The following MTMR3 variants were observed in gnomAD, a reference collection of about 807,000 sequenced individuals.
MTMR3 encodes the protein myotubularin related protein 3.
MTMR3 carries 32 observed loss-of-function variants against 132.4 expected under a neutral mutation model. That is an observed-to-expected ratio of 0.24 (90% CI 0.18 to 0.32). MTMR3 has a LOEUF of 0.32. Ranked by LOEUF, MTMR3 falls within the 10% of genes least tolerant of loss-of-function variation. MTMR3 has a pLI of 1.00. For synonymous variants in MTMR3, 556 were observed against 550.3 expected (o/e 1.01, Z -0.14); for missense variants, 1,216 against 1,489.6 (o/e 0.82, Z 3.02).
intron 1 of MTMR3, among the ~76,000 whole-genome samples, chr22:29,954,736 A>G (rs907220504): frequency 6.6e-6 from 1 of 152,208 alleles, no homozygotes; most frequent in Non-Finnish European, 1.5e-5. Flanking sequence ...AATTAAATCT[A>G]GCACCATCAA....
At chr22:30,025,503 A>G (rs1327416834) in intron 19 of MTMR3, 127 bp from the exon 20 acceptor site, 9 of 931,634 alleles carry the variant, frequency 9.7e-6, no homozygotes, top group East Asian at 2.5e-5. Flanking sequence ...GAGAGATGAA[A>G]GGGTTTGATC....
chr22:29,939,281 T>A (rs1296588310), intron 1 of MTMR3, among the ~76,000 whole-genome samples: 5 of 152,196 alleles, frequency 3.3e-5, no homozygotes. Context: ...GTTCAAACTA[T>A]TTTTATTATA....
At chr22:29,889,529 C>T (rs896651062) in intron 1 of MTMR3, among the ~76,000 whole-genome samples, 18 of 151,892 alleles carry the variant, frequency 1.2e-4, no homozygotes, top group East Asian at 5.8e-4. Flanking sequence ...TCAGGTGATC[C>T]GCCTGCCTTC....
At chr22:29,884,259 CAAACAAAACA>C (rs3049965) in intron 1 of MTMR3, among the ~76,000 whole-genome samples, 5 of 151,666 alleles carry the variant, frequency 3.3e-5, no homozygotes, top group African/African-American at 9.7e-5. Flanking sequence ...ACAACCCAAA[CAAACAAAACA>C]AAACAAAACA....
At chr22:29,909,921 C>T (rs894270508) in intron 1 of MTMR3, among the ~76,000 whole-genome samples, 2 of 149,940 alleles carry the variant, frequency 1.3e-5, no homozygotes, top group African/African-American at 2.5e-5. Flanking sequence ...TTTGGGAGGC[C>T]GAGGCGGGCG....
At chr22:29,932,891 A>C (rs2065673226) in intron 1 of MTMR3, among the ~76,000 whole-genome samples, 1 of 152,070 alleles carries the variant, frequency 6.6e-6, no homozygotes, top group Non-Finnish European at 1.5e-5. Flanking sequence ...TTTTTCCCTG[A>C]ATCATTTTAG....
At chr22:29,912,945 C>G (rs1264555600) in intron 1 of MTMR3, among the ~76,000 whole-genome samples, 2 of 152,054 alleles carry the variant, frequency 1.3e-5, no homozygotes, top group Non-Finnish European at 2.9e-5. Flanking sequence ...GGAGCTCCAT[C>G]GAAAGGGTCT....
chr22:30,009,327 A>G (rs1027611038), intron 12 of MTMR3, 198 bp downstream of exon 12: 4 of 540,172 alleles, frequency 7.4e-6, no homozygotes, highest in Admixed American at 3.4e-5. Context: ...AGCACAGAGG[A>G]AGAGTTGGGA....
Position 30,007,280 on chromosome 22 carries a change from G to A in MTMR3, c.838G>A (p.Asp280Asn), listed in dbSNP as rs750990316. The change falls in exon 10 of 20, where the codon GAC becomes AAC. Residue 280 changes from aspartate to asparagine, a missense_variant. This residue lies in a region of MTMR3 where 47 missense variants were observed against 46.8 expected (regional missense o/e 1.00). Transcript: ENST00000401950. ...GCTGTCAACTAGGAACACTTCTCGA[G>A]ACTTTCCCAATGGGGGAGACCTTTC... ...SKLSTRNTSR[D>N]FPNGGDLSDV... is the part of the protein sequence containing the mutation. 4 of 1,614,182 alleles carry A rather than the reference G, an allele frequency of 2.5e-6. No homozygotes were observed. The South Asian group carries it at 4.4e-5, about 18-fold the overall frequency.
intron 1 of MTMR3, among the ~76,000 whole-genome samples, chr22:29,935,542 C>T (rs549184567): frequency 1.2e-4 from 18 of 152,174 alleles, no homozygotes; most frequent in African/African-American, 3.6e-4. Flanking sequence ...TGAAATGATA[C>T]GGCAGAGTAA....
At position 29,960,818 on chromosome 22, in the gene MTMR3, T is replaced by TA. The variant is rs757962807; in HGVS notation, c.-85+3731dup. ...CCTGATTGTTTTTTCTTGAGGCTAT[T>TA]ATCTTAACACTCTGAGTTTAAATGA... On this transcript the variant is annotated intron_variant, in intron 2 of 19. Coordinates refer to ENST00000401950, the MANE Select transcript of MTMR3 (RefSeq NM_021090.4). 3.3e-5 allele frequency among the ~76,000 whole-genome samples: 5 copies of TA among 152,318 alleles called. No homozygotes were observed. The East Asian group carries it at 9.6e-4, about 29-fold the overall frequency.
Position 30,028,475 on chromosome 22 carries a change from C to T in MTMR3, c.*2674C>T, listed in dbSNP as rs1488204626. The T allele has an allele frequency of 6.6e-6, 1 of 152,382 alleles. No individual in the cohort carries two copies. Among genetic ancestry groups the T allele is most frequent in the East Asian group, 1.9e-4 (1 of 5,330 alleles). 9.4% of individuals were successfully genotyped at this position (152,382 alleles called of 1,614,324 possible). A position where few individuals can be genotyped will look rare whatever the true frequency, so the allele number is the denominator to read the frequency against. On this transcript the variant is annotated 3_prime_UTR_variant, in exon 20 of 20. Coordinates refer to ENST00000401950, the MANE Select transcript of MTMR3 (RefSeq NM_021090.4). ...CTAGTCACTTCAATACTAGTTCTTG[C>T]TCTTCACAGAGGTAGATTTTTCTTT...
chr22:30,011,912 T>G lies in MTMR3; in HGVS notation c.1122-456T>G, dbSNP rs953729804. 18 of 157,870 alleles carry G rather than the reference T, an allele frequency of 1.1e-4. 1 individual carries two copies. The highest frequency in any genetic ancestry group is 4.2e-5 in the Non-Finnish European group (3 of 72,172). The allele number at this position is 157,870 out of a possible 1,614,324, so 9.8% of individuals were successfully genotyped here. ...TCCAGCTTATGTCTCATAGATATAT[T>G]TGTATTCATGAGTTTTTCTTTTCTT... On this transcript the variant is annotated intron_variant, in intron 12 of 19. Coordinates refer to ENST00000401950, the MANE Select transcript of MTMR3 (RefSeq NM_021090.4).
chr22:30,020,574 G>A lies in MTMR3; in HGVS notation c.2915G>A (p.Arg972His), dbSNP rs141681560. Reference sequence around the variant, plus strand: ...GGTAGGAGCAAGGACTCACTGAGCCGTCAGCTGTCTGCTATGAGCTGCAGC... The same window carrying A: ...GGTAGGAGCAAGGACTCACTGAGCCATCAGCTGTCTGCTATGAGCTGCAGC... Reference protein sequence around the residue: ...EAGRSKDSLSRQLSAMSCSSA... With the variant: ...EAGRSKDSLSHQLSAMSCSSA... The change falls in exon 17 of 20, where the codon CGT (arginine) becomes CAT (histidine). Residue 972 changes from arginine to histidine, a missense_variant. This residue lies in a region of MTMR3 where 852 missense variants were observed against 852.0 expected (regional missense o/e 1.00). Coordinates refer to ENST00000401950, the MANE Select transcript of MTMR3 (RefSeq NM_021090.4). The A allele has an allele frequency of 2.5e-6, 4 of 1,614,068 alleles. No homozygotes were observed. Among genetic ancestry groups the A allele is most frequent in the Non-Finnish European group, 2.5e-6 (3 of 1,180,052 alleles).
chr22:29,938,696 T>G (rs1009472395), intron 1 of MTMR3, among the ~76,000 whole-genome samples: 1 of 152,228 alleles, frequency 6.6e-6, no homozygotes, highest in African/African-American at 2.4e-5. Flanking sequence ...TTCTTGGTCA[T>G]TAGAGTAAAG....
chr22:30,013,584 G>T, intron 14 of MTMR3, 43 bp downstream of exon 14: 1 of 1,588,136 alleles, frequency 6.3e-7, no homozygotes, highest in Non-Finnish European at 8.6e-7. Flanking sequence ...TTGAAGGAGG[G>T]TCAGTACAAA....
chr22:30,014,922 CTGA>C (rs2067538978), intron 14 of MTMR3: 1 of 152,280 alleles, frequency 6.6e-6, no homozygotes, highest in Admixed American at 6.5e-5. Context: ...CATCTGTATG[CTGA>C]TGAGTCCCAC....
intron 19 of MTMR3, 94 bp from the exon 20 acceptor site, chr22:30,025,536 A>T (rs548160750): frequency 7.3e-7 from 1 of 1,370,134 alleles, no homozygotes; most frequent in South Asian, 1.2e-5. Flanking sequence ...AGCACATGCA[A>T]ATTACACACG....
In MTMR3 at chr22:29,994,066, T is replaced by C. The variant is rs1218568688; in HGVS notation, c.460+2396T>C. Reference sequence around the variant, plus strand: ...CCTGCCCAGGCTGATCCAGGTATCCTGAAGATCAAATCTGTTAATGCTGCA... The same window carrying C: ...CCTGCCCAGGCTGATCCAGGTATCCCGAAGATCAAATCTGTTAATGCTGCA... On this transcript the variant is annotated intron_variant, in intron 7 of 19. Coordinates refer to ENST00000401950, the MANE Select transcript of MTMR3 (RefSeq NM_021090.4). The C allele has an allele frequency of 5.1e-6, 5 of 976,402 alleles. No homozygotes were observed. The African/African-American group carries it at 8.8e-5, about 17-fold the overall frequency. The allele number at this position is 976,402 out of a possible 1,614,324, so 60.5% of individuals were successfully genotyped here. A position where few individuals can be genotyped will look rare whatever the true frequency, so the allele number is the denominator to read the frequency against.
Sources: gnomAD v4.1 joint callset for allele counts (sites outside exome capture counted in the v4.1 genomes callset) on GRCh38, gnomAD v4.1.1 for gene constraint, gnomAD v4.1.1 regional missense constraint, MANE v1.5 for transcripts, NCBI Gene and HGNC (gene_info 2026-07-23, HGNC 2026-07-21) for gene names.